Variants in LYG1 observed in about 807,000 individuals in gnomAD.
LYG1 encodes the protein lysozyme g1.
In LYG1, 17 loss-of-function variants were observed where a neutral mutation model predicts 21.7. The observed-to-expected ratio is 0.78, with a 90% CI of 0.54 to 1.18. The LOEUF (loss-of-function observed/expected upper bound fraction) is 1.18, where lower values mean the gene tolerates loss of function less well. Ranked by LOEUF, LYG1 falls within the 50% of genes most tolerant of loss-of-function variation. The pLI is 0.00. For missense variants in LYG1, 211 were observed against 238.1 expected (o/e 0.89, Z 0.75); for synonymous variants, 81 against 87.4 (o/e 0.93, Z 0.41).
At chr2:99,298,878 C>G (rs1351777581) in intron 1 of LYG1, among the ~76,000 whole-genome samples, 3 of 151,958 alleles carry the variant, frequency 2.0e-5, no homozygotes, top group Non-Finnish European at 4.4e-5. Context: ...GCCAACAGGC[C>G]TTTCTTTTTT....
At chr2:99,288,563 C>CTAT (rs1311512455) in intron 5 of LYG1, among the ~76,000 whole-genome samples, 1 of 151,752 alleles carries the variant, frequency 6.6e-6, no homozygotes, top group East Asian at 1.9e-4. Flanking sequence ...CTTGTCTTAA[C>CTAT]TATTATTATT....
upstream of LYG1, among the ~76,000 whole-genome samples, chr2:99,303,016 G>GAA (rs60429754): frequency 0.38 from 51,361 of 135,866 alleles, 10,008 homozygotes; most frequent in East Asian, 0.62. Context: ...GCCTCCATCT[G>GAA]AAAAAAAAAA....
At chr2:99,302,395 C>T (rs1212776624), upstream of LYG1, among the ~76,000 whole-genome samples, 1 of 152,124 alleles carries the variant, frequency 6.6e-6, no homozygotes, top group East Asian at 1.9e-4. Flanking sequence ...TTCAGTAAAT[C>T]TTTGTTGAAT....
intron 4 of LYG1, 145 bp downstream of exon 4, chr2:99,292,391 G>A (rs184613128): frequency 3.5e-5 from 22 of 634,050 alleles, no homozygotes; most frequent in Admixed American, 1.9e-4. Context: ...GCCTTGCCAC[G>A]GATGCAGGGG....
intron 5 of LYG1, among the ~76,000 whole-genome samples, chr2:99,287,225 T>C (rs1336239015): frequency 6.6e-6 from 1 of 152,220 alleles, no homozygotes; most frequent in Non-Finnish European, 1.5e-5. Flanking sequence ...CACTGTATTG[T>C]ATGTTTACAC....
chr2:99,302,444 A>G (rs1274498852), upstream of LYG1, among the ~76,000 whole-genome samples: 1 of 152,202 alleles, frequency 6.6e-6, no homozygotes, highest in Non-Finnish European at 1.5e-5. Context: ...CTCACCCAGC[A>G]AGATTTGGAC....
rs1342016421 is a variant in LYG1, at chr2:99,292,069, C to T, written c.148+467G>A. ...TGGGAGGCCAAAGAGGGAGGATCACCTGAGGTCAGGAGTTCGAGACCAGCC... is the reference window on the plus strand; with the variant it reads ...TGGGAGGCCAAAGAGGGAGGATCACTTGAGGTCAGGAGTTCGAGACCAGCC... On this transcript the variant is annotated intron_variant, in intron 4 of 6. Coordinates refer to ENST00000308528, the MANE Select transcript of LYG1 (RefSeq NM_174898.3). Among the ~76,000 whole-genome samples the T allele has an allele frequency of 2.6e-5, 4 of 152,156 alleles. No individual in the cohort carries two copies. In the East Asian group the frequency reaches 7.8e-4, roughly 30 times the overall value.
chr2:99,290,943 T>G lies in LYG1; in HGVS notation c.333+294A>C, dbSNP rs199858218. On this transcript the variant is annotated intron_variant, in intron 5 of 6. Coordinates refer to ENST00000308528, the MANE Select transcript of LYG1 (RefSeq NM_174898.3). ...CAAGGCCATGTGGCTACAAAGTAAC[T>G]GAGGAAAGATTTAATCTGTGATCTT... 4.6e-5 allele frequency among the ~76,000 whole-genome samples: 7 copies of G among 152,346 alleles called. No homozygotes were observed. In the East Asian group the frequency reaches 1.2e-3, roughly 25 times the overall value.
At position 99,284,774 on chromosome 2, in the gene LYG1, A is replaced by G. The variant is rs2094093082; in HGVS notation, c.380T>C (p.Val127Ala). The change falls in exon 6 of 7, where the codon GTT becomes GCT. Residue 127 changes from valine (V) to alanine (A), a missense_variant. Transcript: ENST00000308528. Reference protein sequence around the residue: ...APTSWISESQVSQTTEVLTTR... With the variant: ...APTSWISESQASQTTEVLTTR... Reference sequence around the variant, plus strand: ...AGTCAGAACTTCAGTTGTCTGGGAAACCTGAGACTCACTAATCCAGGATGT... The same window carrying G: ...AGTCAGAACTTCAGTTGTCTGGGAAGCCTGAGACTCACTAATCCAGGATGT... 1 of 1,613,526 alleles carries G rather than the reference A, an allele frequency of 6.2e-7. No homozygotes were observed. The highest frequency in any genetic ancestry group is 1.7e-5 in the Admixed American group (1 of 59,998).
chr2:99,288,418 T>C (rs1455763348), intron 5 of LYG1, among the ~76,000 whole-genome samples: 1 of 152,184 alleles, frequency 6.6e-6, no homozygotes, highest in Non-Finnish European at 1.5e-5. Context: ...TTTAATCTCG[T>C]TCATACATCT....
At chr2:99,294,811 T>C (rs766525629) in intron 3 of LYG1, among the ~76,000 whole-genome samples, 8 of 152,184 alleles carry the variant, frequency 5.3e-5, no homozygotes, top group Non-Finnish European at 1.0e-4. Context: ...CTTCCTCCTT[T>C]TATTTATTAA....
intron 1 of LYG1, among the ~76,000 whole-genome samples, chr2:99,299,117 G>C (rs535017401): frequency 9.0e-4 from 136 of 151,710 alleles, no homozygotes; most frequent in Non-Finnish European, 1.6e-3. Flanking sequence ...AGTAGAGATG[G>C]GGTTTCACCA....
In LYG1 at chr2:99,292,651, A is replaced by G; in HGVS notation, c.44-11T>C. 1 of 1,593,986 alleles carries G rather than the reference A, an allele frequency of 6.3e-7. No homozygotes were observed. On this transcript the variant is annotated splice_polypyrimidine_tract_variant and intron_variant, in intron 3 of 6. Transcript: ENST00000308528. ...TGCTTTCAGACAAGTCTACAAGTTG[A>G]GAAAAGTTCAGCCTAAGGCATGGAA... is the stretch of plus-strand genomic sequence containing the variant.
At chr2:99,295,519 G>T in intron 3 of LYG1, 109 bp downstream of exon 3, 1 of 1,344,142 alleles carries the variant, frequency 7.4e-7, no homozygotes, top group Non-Finnish European at 1.1e-6. Flanking sequence ...GACAGTTTAG[G>T]GAAAAAATAA....
At chr2:99,285,395 A>AT (rs1432465881) in intron 5 of LYG1, among the ~76,000 whole-genome samples, 1 of 151,986 alleles carries the variant, frequency 6.6e-6, no homozygotes, top group African/African-American at 2.4e-5. Context: ...AAAAAAAAAA[A>AT]ATATTTGCAG....
At chr2:99,285,516 C>A (rs1368036234) in intron 5 of LYG1, among the ~76,000 whole-genome samples, 1 of 152,142 alleles carries the variant, frequency 6.6e-6, no homozygotes, top group Non-Finnish European at 1.5e-5. Context: ...AAAAAAAGCA[C>A]ACTCCTGGGT....
upstream of LYG1, among the ~76,000 whole-genome samples, chr2:99,301,437 G>A (rs1167306161): frequency 1.4e-5 from 2 of 146,414 alleles, no homozygotes; most frequent in African/African-American, 2.5e-5. Flanking sequence ...GAGAGAGAGT[G>A]AGAAGGGGAA....
upstream of LYG1, among the ~76,000 whole-genome samples, chr2:99,302,771 C>T (rs904364149): frequency 4.6e-5 from 7 of 152,112 alleles, no homozygotes; most frequent in East Asian, 9.6e-4. Context: ...GTAATCCCAG[C>T]GCTTTGGGAG....
chr2:99,300,695 TTTCAG>T (rs1245827084), intron 1 of LYG1, among the ~76,000 whole-genome samples: 1 of 148,626 alleles, frequency 6.7e-6, no homozygotes, highest in East Asian at 2.0e-4. Context: ...GTCTTTTGGC[TTTCAG>T]TTAACAAATA....
Sources: gnomAD v4.1 joint callset for allele counts (sites outside exome capture counted in the v4.1 genomes callset) on GRCh38, gnomAD v4.1.1 for gene constraint, MANE v1.5 for transcripts, NCBI Gene and HGNC (gene_info 2026-07-23, HGNC 2026-07-21) for gene names.